CFAP119: variants seen among roughly 807,000 people sequenced by gnomAD.
The protein encoded by CFAP119 is cilia and flagella associated protein 119, also known as cilia- and flagella-associated protein 119.
the CFAP119 span, chr16:30,759,682 G>A: frequency 1.5e-5 from 24 of 1,613,816 alleles, no homozygotes; most frequent in Non-Finnish European, 1.9e-5. Flanking sequence ...AAGGACACTG[G>A]TGAAGTAGCG....
At chr16:30,761,373 C>T in the CFAP119 span, 1 of 1,389,496 alleles carries the variant, frequency 7.2e-7, no homozygotes, top group Non-Finnish European at 1.0e-6. Flanking sequence ...CTTCAGCAGG[C>T]CCTAGGTGCT....
the CFAP119 span, chr16:30,760,959 A>G: frequency 1.8e-5 from 11 of 612,672 alleles, no homozygotes; most frequent in East Asian, 5.5e-5. Context: ...CCCTCTGTAC[A>G]ATACTCCTTA....
chr16:30,761,265 G>A, the CFAP119 span: 39 of 1,613,268 alleles, frequency 2.4e-5, no homozygotes, highest in South Asian at 4.2e-4. Context: ...AGGCAGCTGC[G>A]GTGTCCTGGC....
chr16:30,760,124 G>A, the CFAP119 span: 3 of 1,550,598 alleles, frequency 1.9e-6, no homozygotes, highest in Middle Eastern at 1.7e-4. Context: ...TCTAGATAAG[G>A]AAGCAGTGGA....
the CFAP119 span, chr16:30,760,762 C>G: frequency 7.6e-6 from 9 of 1,176,470 alleles, no homozygotes; most frequent in South Asian, 1.3e-5. Flanking sequence ...TGGCCACCGG[C>G]GTGAAGCTGG....
chr16:30,761,358 G>T, the CFAP119 span: 1 of 1,439,478 alleles, frequency 6.9e-7, no homozygotes, highest in South Asian at 1.2e-5. Flanking sequence ...GCGGGCGAGG[G>T]AGGGCTTCAG....
At chr16:30,759,412 G>A in the CFAP119 span, 1 of 1,614,228 alleles carries the variant, frequency 6.2e-7, no homozygotes, top group Non-Finnish European at 8.5e-7. Flanking sequence ...GTCTTCCAAG[G>A]CCAGCAGCTG....
At chr16:30,760,063 A>G in the CFAP119 span, 1 of 1,530,746 alleles carries the variant, frequency 6.5e-7, no homozygotes, top group Admixed American at 2.0e-5. Context: ...ATATATTTGC[A>G]TATATTATTT....
chr16:30,761,628 G>A, the CFAP119 span: 2 of 1,536,102 alleles, frequency 1.3e-6, no homozygotes, highest in Non-Finnish European at 8.7e-7. Flanking sequence ...GCACGCGTCC[G>A]CGCGGCCGAC....
At chr16:30,761,949 A>AG in the CFAP119 span, 1 of 591,280 alleles carries the variant, frequency 1.7e-6, no homozygotes, top group Non-Finnish European at 2.9e-6. Flanking sequence ...GGGGCTTGTG[A>AG]GGGAAGGAAG....
At chr16:30,761,880 C>G in the CFAP119 span, 3 of 897,162 alleles carry the variant, frequency 3.3e-6, no homozygotes, top group Non-Finnish European at 4.9e-6. Flanking sequence ...CGCGGAGAGG[C>G]GCGGCGGGGC....
the CFAP119 span, chr16:30,758,845 G>A: frequency 1.7e-6 from 2 of 1,209,636 alleles, no homozygotes; most frequent in African/African-American, 1.5e-5. Context: ...CACCACGCCT[G>A]GCCTGCAGCT....
At chr16:30,761,212 G>A in the CFAP119 span, 1 of 1,613,996 alleles carries the variant, frequency 6.2e-7, no homozygotes, top group South Asian at 1.1e-5. Flanking sequence ...TGCAGATCCG[G>A]GGTCGGGGCA....
the CFAP119 span, chr16:30,760,945 G>T: frequency 1.6e-6 from 1 of 610,822 alleles, no homozygotes; most frequent in Non-Finnish European, 2.9e-6. Context: ...GGCCCTCAGT[G>T]TCCCCCTCTG....
the CFAP119 span, chr16:30,759,379 C>T: frequency 4.5e-5 from 73 of 1,614,056 alleles, no homozygotes; most frequent in Admixed American, 3.0e-4. Flanking sequence ...CTTGAAGTGG[C>T]GGAAGTAAGT....
the CFAP119 span, chr16:30,761,922 C>T: frequency 1.5e-6 from 1 of 652,986 alleles, no homozygotes. Flanking sequence ...TCCGTCTCAA[C>T]GGCGACGGTT....
chr16:30,758,914 G>C, the CFAP119 span: 1 of 1,534,430 alleles, frequency 6.5e-7, no homozygotes, highest in Non-Finnish European at 8.7e-7. Flanking sequence ...AAAGGACTCT[G>C]ACTAAAAACA....
chr16:30,759,235 G>C, the CFAP119 span: 1 of 1,614,200 alleles, frequency 6.2e-7, no homozygotes, highest in African/African-American at 1.3e-5. Flanking sequence ...GTCAAAGACA[G>C]ATCCAGCCGC....
chr16:30,757,905 A>G, the CFAP119 span: 1 of 1,020,460 alleles, frequency 9.8e-7, no homozygotes, highest in Non-Finnish European at 1.3e-6. Flanking sequence ...CAGGTTATTT[A>G]ACCTATCTGT....
Sources: gnomAD v4.1 joint callset for allele counts on GRCh38, gnomAD v4.1.1 for gene constraint, MANE v1.5 for transcripts, NCBI Gene and HGNC (gene_info 2026-07-23, HGNC 2026-07-21) for gene names.